Variants in SORT1 observed in about 807,000 individuals in gnomAD.
SORT1 encodes the protein sortilin.
In SORT1, 39 loss-of-function variants were observed where a neutral mutation model predicts 101.7. The observed-to-expected ratio is 0.38, with a 90% confidence interval of 0.30 to 0.50. The LOEUF (loss-of-function observed/expected upper bound fraction) is 0.50. Ranked by LOEUF, SORT1 falls within the 20% of genes least tolerant of loss-of-function variation. The pLI, the probability that SORT1 is intolerant of heterozygous loss-of-function variation, is 0.90. For synonymous variants in SORT1, 396 were observed against 393.7 expected (o/e 1.01, Z -0.07); for missense variants, 878 against 1,040.4 (o/e 0.84, Z 2.15).
At chr1:109,342,255 T>C in intron 8 of SORT1, 97 bp from the exon 9 acceptor site, 2 of 893,880 alleles carry the variant, frequency 2.2e-6, no homozygotes, top group Admixed American at 2.4e-5. Flanking sequence ...CTATTATCCA[T>C]TTCTCTACTG....
At chr1:109,378,697 ATGATATATATATATATATATATATAT>A (rs1652009768) in intron 1 of SORT1, among the ~76,000 whole-genome samples, 1 of 91,100 alleles carries the variant, frequency 1.1e-5, no homozygotes, top group African/African-American at 4.3e-5. Context: ...GGTAGAGTGA[ATGATATATATATATATATATATATAT>A]ATATATATAT....
At chr1:109,324,054 G>C (rs1412187039) in intron 14 of SORT1, among the ~76,000 whole-genome samples, 1 of 152,182 alleles carries the variant, frequency 6.6e-6, no homozygotes, top group East Asian at 1.9e-4. Context: ...AGAGTGTCTA[G>C]AAACGTTAAG....
intron 18 of SORT1, 82 bp downstream of exon 18, chr1:109,314,590 C>T: frequency 6.1e-6 from 7 of 1,149,832 alleles, no homozygotes; most frequent in Non-Finnish European, 8.9e-6. Flanking sequence ...CTAGTTTTTG[C>T]CAAGAGTAGA....
At chr1:109,350,826 T>C in intron 6 of SORT1, 103 bp downstream of exon 6, 1 of 812,290 alleles carries the variant, frequency 1.2e-6, no homozygotes. Context: ...CCCTGAAGAG[T>C]ACTTGGCACA....
At chr1:109,394,112 T>G (rs1482285063) in intron 1 of SORT1, among the ~76,000 whole-genome samples, 1 of 152,154 alleles carries the variant, frequency 6.6e-6, no homozygotes, top group African/African-American at 2.4e-5. Context: ...GTCAAACCCT[T>G]AGAACAAAAT....
In SORT1 at chr1:109,353,774, C is replaced by T. The variant is rs531996393; in HGVS notation, c.708+593G>A. ...CTCAGCCACTTTGGGCCCTTAACCA[C>T]AGTAAAGGAGACTGGTCCTCCAGGA... On this transcript the variant is annotated intron_variant, in intron 5 of 19. Coordinates refer to ENST00000256637, the MANE Select transcript of SORT1 (RefSeq NM_002959.7). Among the ~76,000 whole-genome samples the T allele has an allele frequency of 4.8e-4, 73 of 152,214 alleles. 1 individual carries two copies. The highest frequency in any genetic ancestry group is 1.6e-3 in the African/African-American group (67 of 41,538).
chr1:109,363,134 T>G (rs1650840683), intron 3 of SORT1, among the ~76,000 whole-genome samples: 1 of 152,202 alleles, frequency 6.6e-6, no homozygotes, highest in Admixed American at 6.5e-5. Flanking sequence ...AGCCCAGCAG[T>G]CTTTGTGATA....
intron 16 of SORT1, among the ~76,000 whole-genome samples, chr1:109,317,439 T>C (rs1417677380): frequency 2.0e-5 from 3 of 152,220 alleles, no homozygotes; most frequent in Non-Finnish European, 4.4e-5. Context: ...AACACTTCCA[T>C]CACCAAAGAA....
At position 109,350,944 on chromosome 1, in the gene SORT1, A is replaced by G. The variant is rs1200412484; in HGVS notation, c.767T>C (p.Val256Ala). 6.2e-7 allele frequency: 1 copy of G among 1,611,962 alleles called. No homozygotes were observed. Among genetic ancestry groups the G allele is most frequent in the Admixed American group, 1.7e-5 (1 of 60,010 alleles). Reference protein sequence around the residue: ...GGKWEEIHKAVCLAKWGSDNT... With the variant: ...GGKWEEIHKAACLAKWGSDNT... ...TGTTACTCACCATTTGGCCAAACAT[A>G]CTGCTTTGTGGATTTCTTCCCATTT... is the stretch of plus-strand genomic sequence containing the variant. Residue 256 changes from valine (V) to alanine (A), a missense_variant, in exon 6 of 20, where the codon GTA becomes GCA. Around this residue, in one of 2 missense-constraint regions of SORT1, gnomAD observed 684 missense variants for 894.5 expected, o/e 0.76. Coordinates refer to ENST00000256637, the MANE Select transcript of SORT1 (RefSeq NM_002959.7).
At chr1:109,327,633 C>G (rs1275448158) in intron 11 of SORT1, 32 bp from the exon 12 acceptor site, 1 of 1,367,026 alleles carries the variant, frequency 7.3e-7, no homozygotes, top group South Asian at 1.3e-5. Context: ...TAGATTAGAA[C>G]CAAAGATAAA....
chr1:109,336,204 G>C, intron 11 of SORT1, 36 bp downstream of exon 11: 1 of 1,281,368 alleles, frequency 7.8e-7, no homozygotes, highest in Non-Finnish European at 1.1e-6. Flanking sequence ...ACAATGGAAA[G>C]GCTGCTGTGC....
intron 1 of SORT1, among the ~76,000 whole-genome samples, chr1:109,370,569 T>C (rs969277805): frequency 2.0e-5 from 3 of 152,198 alleles, no homozygotes; most frequent in African/African-American, 7.2e-5. Flanking sequence ...AAGATCCTTC[T>C]CTTTTCCAGG....
At position 109,335,568 on chromosome 1, in the gene SORT1, C is replaced by T. The variant is rs563375062; in HGVS notation, c.1371+672G>A. On this transcript the variant is annotated intron_variant, in intron 11 of 19. Coordinates refer to ENST00000256637, the MANE Select transcript of SORT1 (RefSeq NM_002959.7). ...AGTGATACAGATACTAAGGAGGGTT[C>T]GGGAACTACCGGTACTTCAGTTTCT... Among the ~76,000 whole-genome samples, 9 of 152,238 alleles carry T rather than the reference C, an allele frequency of 5.9e-5. No individual in the cohort carries two copies. In the South Asian group the frequency reaches 1.2e-3, roughly 21 times the overall value.
chr1:109,338,635 C>T (rs1649002690), intron 10 of SORT1, among the ~76,000 whole-genome samples: 1 of 152,078 alleles, frequency 6.6e-6, no homozygotes. Flanking sequence ...TCTCATAGGC[C>T]TACATCTCCC....
At chr1:109,394,867 A>C (rs1201830704) in intron 1 of SORT1, among the ~76,000 whole-genome samples, 3 of 152,214 alleles carry the variant, frequency 2.0e-5, no homozygotes, top group Admixed American at 2.0e-4. Context: ...TGTAGGAAAA[A>C]TGATTCTACA....
chr1:109,331,151 C>T (rs1291148251), intron 11 of SORT1, among the ~76,000 whole-genome samples: 4 of 152,106 alleles, frequency 2.6e-5, no homozygotes, highest in Non-Finnish European at 4.4e-5. Context: ...CAAAACCAGA[C>T]AAGGACACTA....
chr1:109,314,594 G>T, intron 18 of SORT1, 78 bp downstream of exon 18: 1 of 1,173,756 alleles, frequency 8.5e-7, no homozygotes, highest in Non-Finnish European at 1.3e-6. Context: ...TTTTTGCCAA[G>T]AGTAGACTCA....
At chr1:109,331,563 G>A (rs1191988594) in intron 11 of SORT1, among the ~76,000 whole-genome samples, 1 of 152,028 alleles carries the variant, frequency 6.6e-6, no homozygotes, top group Non-Finnish European at 1.5e-5. Flanking sequence ...CAAGCCCACA[G>A]CTAACATCAT....
intron 13 of SORT1, among the ~76,000 whole-genome samples, chr1:109,326,528 CATATATATACAT>C (rs1326921369): frequency 3.7e-5 from 5 of 136,836 alleles, no homozygotes; most frequent in African/African-American, 8.2e-5. Context: ...TATATATACA[CATATATATACAT>C]ATATATACAC....
Sources: gnomAD v4.1 joint callset for allele counts (sites outside exome capture counted in the v4.1 genomes callset) on GRCh38, gnomAD v4.1.1 for gene constraint, gnomAD v4.1.1 regional missense constraint, MANE v1.5 for transcripts, NCBI Gene and HGNC (gene_info 2026-07-23, HGNC 2026-07-21) for gene names.